Variants in NALF1 observed in about 807,000 individuals in gnomAD.
The protein encoded by NALF1 is family with sequence similarity 155 member A.
A neutral mutation model predicts 48.4 loss-of-function variants in NALF1; 3 were observed. That is an observed-to-expected ratio of 0.06 (90% confidence interval 0.03 to 0.16). NALF1 has a LOEUF of 0.16. Among genes scored for constraint, NALF1 ranks in the 10% least tolerant of loss-of-function variants. NALF1 has a pLI of 1.00. For missense variants in NALF1, 526 were observed against 571.5 expected, an observed-to-expected ratio of 0.92 and a Z score of 0.81; for synonymous variants, 262 against 245.7, an observed-to-expected ratio of 1.07 and a Z score of -0.62.
At chr13:107,722,569 C>G (rs1303582972) in intron 1 of NALF1, among the ~76,000 whole-genome samples, 3 of 152,076 alleles carry the variant, frequency 2.0e-5, no homozygotes, top group Admixed American at 2.0e-4. Context: ...CAGTGCCTCC[C>G]TAGCGGGCCC....
intron 1 of NALF1, among the ~76,000 whole-genome samples, chr13:107,311,108 C>G (rs1370949705): frequency 6.6e-6 from 1 of 152,026 alleles, no homozygotes; most frequent in Non-Finnish European, 1.5e-5. Flanking sequence ...ATTTTTTTTC[C>G]CCCAAGAAAT....
At chr13:107,294,224 A>G (rs1321084276) in intron 1 of NALF1, among the ~76,000 whole-genome samples, 5 of 152,200 alleles carry the variant, frequency 3.3e-5, no homozygotes, top group African/African-American at 1.2e-4. Context: ...TGCTGCAGAT[A>G]TCTAAAATGA....
rs564309552 is a variant in NALF1, at chr13:107,226,006, T to A, written c.916-15251A>T. Among the ~76,000 whole-genome samples, 24 of 152,250 alleles carry A rather than the reference T, an allele frequency of 1.6e-4. No homozygotes were observed. In the South Asian group the frequency reaches 4.8e-3, roughly 30 times the overall value. ...TTTCTACTTGCCACACACGTGGACG[T>A]TTCTAACTTTTTTTTAGAACTATGG... On this transcript the variant is annotated intron_variant, in intron 1 of 2. Coordinates refer to ENST00000375915, the MANE Select transcript of NALF1 (RefSeq NM_001080396.3).
At chr13:107,632,077 TTTGG>T (rs1225605095) in intron 1 of NALF1, among the ~76,000 whole-genome samples, 5 of 152,178 alleles carry the variant, frequency 3.3e-5, no homozygotes, top group Non-Finnish European at 5.9e-5. Flanking sequence ...ATCAAAGATG[TTTGG>T]TTGACAAAAC....
chr13:107,785,066 ATGTG>A (rs1317381635), intron 1 of NALF1, among the ~76,000 whole-genome samples: 3 of 151,798 alleles, frequency 2.0e-5, no homozygotes, highest in Non-Finnish European at 2.9e-5. Flanking sequence ...GTGTCTGTGT[ATGTG>A]TGTGTGTATG....
chr13:107,366,899 G>A (rs1280823669), intron 1 of NALF1, among the ~76,000 whole-genome samples: 9 of 152,286 alleles, frequency 5.9e-5, no homozygotes, highest in Non-Finnish European at 1.3e-4. Flanking sequence ...TTTAAGATCC[G>A]AACTGGGTAT....
At chr13:107,299,473 A>ATAATAATAC (rs56817756) in intron 1 of NALF1, among the ~76,000 whole-genome samples, 3 of 4,800 alleles carry the variant, frequency 6.3e-4, no homozygotes, top group Non-Finnish European at 2.6e-3. Flanking sequence ...AATAATAATA[A>ATAATAATAC]ATAAATAAAT....
intron 1 of NALF1, among the ~76,000 whole-genome samples, chr13:107,334,941 T>C (rs1175959483): frequency 1.3e-5 from 2 of 152,156 alleles, no homozygotes; most frequent in Non-Finnish European, 2.9e-5. Flanking sequence ...ATGTTACTGC[T>C]TGTTATTGCT....
At chr13:107,564,602 TCAGA>T (rs921690291) in intron 1 of NALF1, among the ~76,000 whole-genome samples, 1 of 152,154 alleles carries the variant, frequency 6.6e-6, no homozygotes, top group Non-Finnish European at 1.5e-5. Context: ...TCTGAGTAAC[TCAGA>T]CAAACGCTCC....
chr13:107,751,325 A>G (rs1876932187), intron 1 of NALF1, among the ~76,000 whole-genome samples: 1 of 152,232 alleles, frequency 6.6e-6, no homozygotes, highest in Non-Finnish European at 1.5e-5. Context: ...TCTGTGTTAA[A>G]AATAATGGAA....
At chr13:107,629,729 T>C (rs8000440) in intron 1 of NALF1, among the ~76,000 whole-genome samples, 1 of 152,204 alleles carries the variant, frequency 6.6e-6, no homozygotes, top group Non-Finnish European at 1.5e-5. Context: ...CTACTTTAGA[T>C]AGATATAGAT....
chr13:107,636,889 ATAT>A (rs1365972554), intron 1 of NALF1, among the ~76,000 whole-genome samples: 1 of 72,190 alleles, frequency 1.4e-5, no homozygotes, highest in Non-Finnish European at 3.6e-5. Context: ...TATATTATAT[ATAT>A]TATATTATAT....
chr13:107,659,342 A>T (rs1376368636), intron 1 of NALF1, among the ~76,000 whole-genome samples: 1 of 152,132 alleles, frequency 6.6e-6, no homozygotes, highest in Non-Finnish European at 1.5e-5. Flanking sequence ...TTGCTGCCTT[A>T]TCAGTGGAGT....
intron 1 of NALF1, among the ~76,000 whole-genome samples, chr13:107,317,323 A>C (rs9520379): frequency 0.16 from 24,659 of 152,094 alleles, 2,655 homozygotes; most frequent in Non-Finnish European, 0.24. Flanking sequence ...AACTATCATT[A>C]AAGCATATCT....
chr13:107,520,971 T>C (rs1437277511), intron 1 of NALF1, among the ~76,000 whole-genome samples: 4 of 152,132 alleles, frequency 2.6e-5, no homozygotes, highest in Non-Finnish European at 5.9e-5. Flanking sequence ...TGATCTATGC[T>C]TTACACTGTA....
At chr13:107,829,668 T>C (rs562603506) in intron 1 of NALF1, among the ~76,000 whole-genome samples, 17 of 152,258 alleles carry the variant, frequency 1.1e-4, no homozygotes, top group Non-Finnish European at 1.8e-4. Context: ...TTCAGAACAA[T>C]TTATGAAAAA....
At chr13:107,614,773 TTTTTCTTTC>T (rs1409981680) in intron 1 of NALF1, among the ~76,000 whole-genome samples, 2 of 151,718 alleles carry the variant, frequency 1.3e-5, no homozygotes, top group Non-Finnish European at 2.9e-5. Context: ...TCTTTTTTTT[TTTTTCTTTC>T]TTTTCTTTTT....
chr13:107,780,481 A>G (rs1290378739), intron 1 of NALF1, among the ~76,000 whole-genome samples: 1 of 151,666 alleles, frequency 6.6e-6, no homozygotes, highest in East Asian at 1.9e-4. Flanking sequence ...CAATGAGACA[A>G]CGTATTGGAA....
intron 1 of NALF1, among the ~76,000 whole-genome samples, chr13:107,818,860 A>C (rs1304115199): frequency 3.0e-5 from 3 of 99,954 alleles, no homozygotes; most frequent in Non-Finnish European, 5.2e-5. Flanking sequence ...CGACAGAGCG[A>C]GACTCCGTCT....
Sources: allele counts gnomAD v4.1 joint callset (sites outside exome capture counted in the v4.1 genomes callset), GRCh38; gene constraint gnomAD v4.1.1; transcripts MANE v1.5; gene names NCBI Gene and HGNC (gene_info 2026-07-23, HGNC 2026-07-21).